GALNT13: variants seen among roughly 807,000 people sequenced by gnomAD.
The protein encoded by GALNT13 is polypeptide N-acetylgalactosaminyltransferase 13, also known as UDP-GalNAc:polypeptide N-acetylgalactosaminyltransferase 13.
Under a neutral mutation model 64.2 loss-of-function variants are expected in GALNT13, and 28 were observed. That is an observed-to-expected ratio of 0.44 (90% CI 0.32 to 0.60). The LOEUF (loss-of-function observed/expected upper bound fraction) is 0.60. Ranked by LOEUF, GALNT13 falls within the 20% of genes least tolerant of loss-of-function variation. GALNT13 has a pLI of 0.05. For missense variants in GALNT13, 577 were observed against 669.8 expected (o/e 0.86, Z 1.53); for synonymous variants, 214 against 224.6 (o/e 0.95, Z 0.42).
At chr2:154,079,943 T>C (rs1432742894) in intron 3 of GALNT13, among the ~76,000 whole-genome samples, 1 of 151,664 alleles carries the variant, frequency 6.6e-6, no homozygotes, top group Non-Finnish European at 1.5e-5. Context: ...TTATTTTTTA[T>C]ATAGTTCTTG....
At chr2:153,101,848 C>T in the GALNT13 span, among the ~76,000 whole-genome samples, 1 of 152,214 alleles carries the variant, frequency 6.6e-6, no homozygotes, top group Non-Finnish European at 1.5e-5. Flanking sequence ...AAGGTTACCT[C>T]AACCCACTTT....
chr2:153,316,048 C>G, the GALNT13 span, among the ~76,000 whole-genome samples: 2 of 151,240 alleles, frequency 1.3e-5, no homozygotes, highest in Non-Finnish European at 2.9e-5. Flanking sequence ...AGCTCACCAT[C>G]ATTAGTAATC....
At chr2:153,639,911 G>C in the GALNT13 span, among the ~76,000 whole-genome samples, 6 of 152,078 alleles carry the variant, frequency 3.9e-5, no homozygotes, top group Non-Finnish European at 7.4e-5. Flanking sequence ...CATGGTAAGG[G>C]ATGACCTGGA....
intron 3 of GALNT13, among the ~76,000 whole-genome samples, chr2:154,115,710 C>T (rs911383530): frequency 3.9e-5 from 6 of 152,098 alleles, no homozygotes; most frequent in African/African-American, 9.7e-5. Flanking sequence ...TGTGAGCCAC[C>T]ATGCCCGGCC....
chr2:154,377,414 A>G (rs550691447), intron 9 of GALNT13, among the ~76,000 whole-genome samples: 7 of 152,268 alleles, frequency 4.6e-5, no homozygotes, highest in Admixed American at 2.6e-4. Flanking sequence ...AAGAGGATGG[A>G]AAGAAGGCAG....
At chr2:153,422,711 T>C in the GALNT13 span, among the ~76,000 whole-genome samples, 3 of 152,080 alleles carry the variant, frequency 2.0e-5, no homozygotes, top group African/African-American at 4.8e-5. Context: ...GCCAATTATT[T>C]TGAAAATATA....
chr2:154,390,842 T>C (rs189101191), intron 9 of GALNT13, among the ~76,000 whole-genome samples: 2 of 152,334 alleles, frequency 1.3e-5, no homozygotes, highest in East Asian at 1.9e-4. Flanking sequence ...TAAAAACTTA[T>C]AAATTTTTGC....
At chr2:154,304,725 A>T (rs1395274758) in intron 9 of GALNT13, among the ~76,000 whole-genome samples, 2 of 152,248 alleles carry the variant, frequency 1.3e-5, no homozygotes, top group Non-Finnish European at 2.9e-5. Context: ...GACTGTTTGT[A>T]TATCCTGGAA....
the GALNT13 span, among the ~76,000 whole-genome samples, chr2:153,403,398 C>A: frequency 1.5e-3 from 224 of 152,196 alleles, 3 homozygotes; most frequent in Non-Finnish European, 5.1e-4. Context: ...TGTGCCCTGC[C>A]CCCAGAGGTG....
chr2:154,342,624 T>G (rs1409780381), intron 9 of GALNT13, among the ~76,000 whole-genome samples: 1 of 152,072 alleles, frequency 6.6e-6, no homozygotes, highest in Non-Finnish European at 1.5e-5. Context: ...ACAACACACA[T>G]GCTTATTTGT....
At chr2:153,308,557 A>G in the GALNT13 span, among the ~76,000 whole-genome samples, 1 of 152,170 alleles carries the variant, frequency 6.6e-6, no homozygotes, top group Non-Finnish European at 1.5e-5. Flanking sequence ...TGTAAGTCAT[A>G]TGGCTCCTCT....
At chr2:153,379,119 T>G in the GALNT13 span, among the ~76,000 whole-genome samples, 1 of 152,164 alleles carries the variant, frequency 6.6e-6, no homozygotes, top group African/African-American at 2.4e-5. Flanking sequence ...TCTTCTATCT[T>G]TAGATGTGAT....
At chr2:153,136,451 G>A in the GALNT13 span, among the ~76,000 whole-genome samples, 1 of 152,070 alleles carries the variant, frequency 6.6e-6, no homozygotes, top group African/African-American at 2.4e-5. Context: ...GGCAGGAGAG[G>A]AGTAGAAATA....
the GALNT13 span, among the ~76,000 whole-genome samples, chr2:153,489,220 C>T: frequency 5.8e-4 from 88 of 152,240 alleles, no homozygotes; most frequent in African/African-American, 2.0e-3. Context: ...CCAGACTTCA[C>T]AACTACACAA....
rs1373720851 is a variant in GALNT13, at chr2:153,900,497, A to C, written c.-176-439A>C. On this transcript the variant is annotated intron_variant, in intron 1 of 12. Transcript: ENST00000392825. ...TGCAACTCTCTGGATAAATCAAGCC[A>C]AATTCTTTTCTAACTCAGTGATCCT... Among the ~76,000 whole-genome samples the C allele has an allele frequency of 2.0e-5, 3 of 152,314 alleles. No individual in the cohort carries two copies. In the East Asian group the frequency reaches 5.8e-4, roughly 29 times the overall value.
At chr2:153,830,268 T>A in the GALNT13 span, among the ~76,000 whole-genome samples, 1 of 152,194 alleles carries the variant, frequency 6.6e-6, no homozygotes, top group African/African-American at 2.4e-5. Context: ...TATTGTTAGA[T>A]ATGTAATAAA....
intron 12 of GALNT13, chr2:154,441,651 A>C (rs1196853385): frequency 3.0e-4 from 46 of 152,242 alleles, no homozygotes; most frequent in Non-Finnish European, 1.2e-4. Flanking sequence ...TGAACAGCAC[A>C]AATATTCCAT....
intron 11 of GALNT13, among the ~76,000 whole-genome samples, chr2:154,424,181 A>C (rs1325653016): frequency 7.9e-5 from 12 of 152,148 alleles, no homozygotes; most frequent in Non-Finnish European, 1.6e-4. Context: ...AACATGATGG[A>C]AAACCTAATG....
chr2:153,255,061 C>A, the GALNT13 span, among the ~76,000 whole-genome samples: 10 of 152,122 alleles, frequency 6.6e-5, no homozygotes, highest in African/African-American at 2.4e-4. Flanking sequence ...CTAATGTTGA[C>A]AGCGGGGTGT....
Sources: gnomAD v4.1 joint callset for allele counts (sites outside exome capture counted in the v4.1 genomes callset) on GRCh38, gnomAD v4.1.1 for gene constraint, MANE v1.5 for transcripts, NCBI Gene and HGNC (gene_info 2026-07-23, HGNC 2026-07-21) for gene names.